The following ASB10 variants were observed in gnomAD, a reference collection of about 807,000 sequenced individuals.
The protein encoded by ASB10 is ankyrin repeat and SOCS box containing 10, also known as ankyrin repeat and SOCS box protein 10.
ASB10 carries 44 observed loss-of-function variants against 35.4 expected under a neutral mutation model. The ratio of observed to expected loss-of-function variants is 1.24; its 90% CI spans 0.98 to 1.60. ASB10 has a LOEUF of 1.60. Ranked by LOEUF, ASB10 falls within the 40% of genes most tolerant of loss-of-function variation. ASB10 has a pLI of 0.00. For synonymous variants in ASB10, 294 were observed against 280.4 expected, an observed-to-expected ratio of 1.05 and a Z score of -0.49; for missense variants, 647 against 634.3, an observed-to-expected ratio of 1.02 and a Z score of -0.22.
chr7:151,181,170 G>T lies in ASB10; in HGVS notation c.873C>A (p.Asp291Glu). The T allele has an allele frequency of 6.2e-7, 1 of 1,611,256 alleles. No individual in the cohort carries two copies. Among genetic ancestry groups the T allele is most frequent in the South Asian group, 1.1e-5 (1 of 91,012 alleles). ...LSAGADADAA[D>E]QDKQRPLHLA... ...GGTGCAGGGGTCGCTGCTTGTCCTG[G>T]TCCGCAGCATCAGCGTCTGCTCCAG... The change falls in exon 3 of 6, where the codon GAC becomes GAA. Residue 291 changes from aspartate (D) to glutamate (E), a missense_variant. By Grantham distance (45) the Asp-to-Glu change is conservative. Transcript: ENST00000420175.
rs185182175 is a variant in ASB10 at position 151,181,838 on chromosome 7, T to C, written c.585-380A>G. Among the ~76,000 whole-genome samples the C allele has an allele frequency of 5.5e-4, 84 of 152,252 alleles. 1 individual carries two copies. The highest frequency in any genetic ancestry group is 1.8e-3 in the African/African-American group (75 of 41,542). On this transcript the variant is annotated intron_variant, in intron 2 of 5. Transcript: ENST00000420175. ...CATGTTTGCCAGGCTGGTCTCAAAC[T>C]CCTGACCTCAAGTGATCCACCTGCC...
At chr7:151,176,813 A>G in intron 3 of ASB10, 137 bp from the exon 4 acceptor site, 1 of 620,696 alleles carries the variant, frequency 1.6e-6, no homozygotes, top group Non-Finnish European at 2.8e-6. Context: ...TATGAATGGG[A>G]CCTTATTTGG....
upstream of ASB10, chr7:151,187,614 G>A (rs1274350860): frequency 5.8e-6 from 9 of 1,541,964 alleles, no homozygotes; most frequent in African/African-American, 1.4e-5. The surrounding 1 kb of genome is among the most constrained non-coding windows in gnomAD (Gnocchi z 5.3). Context: ...GGCCGAGGGG[G>A]CTCCCAGGCT....
At chr7:151,181,770 G>A (rs1368135157) in intron 2 of ASB10, among the ~76,000 whole-genome samples, 8 of 151,862 alleles carry the variant, frequency 5.3e-5, no homozygotes, top group South Asian at 2.1e-4. Flanking sequence ...CCACCACCAC[G>A]CCCGGCTAGT....
At chr7:151,179,516 G>A (rs917627590) in intron 3 of ASB10, among the ~76,000 whole-genome samples, 1 of 152,230 alleles carries the variant, frequency 6.6e-6, no homozygotes, top group Admixed American at 6.5e-5. Flanking sequence ...ATACGAACAA[G>A]CATCAAAGTC....
Position 151,181,310 on chromosome 7 carries a change from T to G in ASB10, c.733A>C (p.Asn245His). The change falls in exon 3 of 6, where the codon AAT (asparagine) becomes CAT (histidine). Residue 245 changes from asparagine to histidine, a missense_variant. Asn to His is a moderately conservative substitution (Grantham distance 68). Transcript: ENST00000420175. ...LRRGACPDARNAEGWTPLLAA... is the reference protein window; with the variant it reads ...LRRGACPDARHAEGWTPLLAA... ...AGCAGTGGGGTCCAGCCTTCGGCAT[T>G]GCGGGCATCAGGACATGCCCCCCGT... The G allele has an allele frequency of 1.2e-6, 2 of 1,613,232 alleles. No homozygotes were observed. The highest frequency in any genetic ancestry group is 1.7e-6 in the Non-Finnish European group (2 of 1,180,008).
chr7:151,182,782 G>A (rs1416075103), intron 2 of ASB10, among the ~76,000 whole-genome samples: 1 of 152,082 alleles, frequency 6.6e-6, no homozygotes, highest in African/African-American at 2.4e-5. Context: ...TGAGCAGCAC[G>A]TGAGACGACC....
At position 151,176,105 on chromosome 7, in the gene ASB10, G is replaced by A. The variant is rs1801380816; in HGVS notation, c.*7C>T. 1 of 1,610,278 alleles carries A rather than the reference G, an allele frequency of 6.2e-7. No individual in the cohort carries two copies. Among genetic ancestry groups the A allele is most frequent in the Non-Finnish European group, 8.5e-7 (1 of 1,179,394 alleles). On this transcript the variant is annotated splice_region_variant and intron_variant, in intron 5 of 5. Transcript: ENST00000420175. Reference sequence around the variant, plus strand: ...AGCTGTGACTGCTCACAGATCCCGGGGCTCACCTAGTAGAGCACGCCCTCA... The same window carrying A: ...AGCTGTGACTGCTCACAGATCCCGGAGCTCACCTAGTAGAGCACGCCCTCA...
At chr7:151,187,505 T>C, upstream of ASB10, 1 of 1,551,178 alleles carries the variant, frequency 6.4e-7, no homozygotes, top group Admixed American at 2.0e-5. This position sits in a 1 kb window ranked among gnomAD's most constrained non-coding sequence, Gnocchi z 5.3. Flanking sequence ...CAGCAGCAGG[T>C]CGGCTGTGCT....
intron 4 of ASB10, 56 bp downstream of exon 4, chr7:151,176,507 G>A: frequency 6.6e-7 from 1 of 1,511,394 alleles, no homozygotes; most frequent in Non-Finnish European, 9.0e-7. Context: ...GGTTTAGCGG[G>A]TGGGAGTCTT....
At position 151,180,995 on chromosome 7, in the gene ASB10, C is replaced by G. The variant is rs905931294; in HGVS notation, c.1048G>C (p.Val350Leu). 5.0e-6 allele frequency: 8 copies of G among 1,596,740 alleles called. No homozygotes were observed. Among genetic ancestry groups the G allele is most frequent in the Non-Finnish European group, 6.8e-6 (8 of 1,168,434 alleles). The change falls in exon 3 of 6, where the codon GTT (valine) becomes CTT (leucine). Residue 350 changes from valine to leucine, a missense_variant. Val to Leu is a conservative substitution (Grantham distance 32, BLOSUM62 1). Coordinates refer to ENST00000420175, the MANE Select transcript of ASB10 (RefSeq NM_001142459.2). ...AALAQSPEHV[V>L]RALLNHGAVR... ...GCGCCATGGTTGAGCAGAGCCCGAACCACGTGCTCGGGGCTCTGGGCCAGG... is the reference window on the plus strand; with the variant it reads ...GCGCCATGGTTGAGCAGAGCCCGAAGCACGTGCTCGGGGCTCTGGGCCAGG...
chr7:151,179,165 G>A (rs1292555087), intron 3 of ASB10, among the ~76,000 whole-genome samples: 2 of 152,222 alleles, frequency 1.3e-5, no homozygotes, highest in Admixed American at 6.5e-5. Context: ...TTAAGCACTA[G>A]GCTTGATGTG....
intron 2 of ASB10, among the ~76,000 whole-genome samples, chr7:151,185,393 A>G (rs1315582177): frequency 6.6e-6 from 1 of 152,110 alleles, no homozygotes; most frequent in Non-Finnish European, 1.5e-5. Flanking sequence ...TGCTGGGATT[A>G]CAGGTGTGAG....
At chr7:151,177,438 C>T (rs1040849273) in intron 3 of ASB10, among the ~76,000 whole-genome samples, 1 of 152,260 alleles carries the variant, frequency 6.6e-6, no homozygotes, top group Non-Finnish European at 1.5e-5. Flanking sequence ...TTAACCACAC[C>T]ACCATCCTGC....
chr7:151,179,093 A>G (rs1801441225), intron 3 of ASB10, among the ~76,000 whole-genome samples: 1 of 152,222 alleles, frequency 6.6e-6, no homozygotes, highest in African/African-American at 2.4e-5. Context: ...GGATGATGCC[A>G]AGCAGCTTAC....
In ASB10 at chr7:151,187,035, G is replaced by C; in HGVS notation, c.96C>G (p.Ser32Arg). ...PLCARLVEKPSRGSEEHLKSG... is the reference protein window; with the variant it reads ...PLCARLVEKPRRGSEEHLKSG... The stretch of plus-strand genomic sequence containing the variant: ...ACTTGAGGTGCTCCTCAGACCCTCT[G>C]CTGGGCTTCTCCACCAGCCTGGCAC... Residue 32 changes from serine (S) to arginine (R), a missense_variant, in exon 1 of 6, where the codon AGC becomes AGG. Transcript: ENST00000420175. The surrounding 1 kb of genome is among the most constrained non-coding windows in gnomAD (Gnocchi z 5.3). The C allele has an allele frequency of 1.2e-6, 2 of 1,610,726 alleles. No homozygotes were observed. The highest frequency in any genetic ancestry group is 1.7e-6 in the Non-Finnish European group (2 of 1,178,068).
At chr7:151,176,473 T>C in intron 4 of ASB10, 90 bp downstream of exon 4, 1 of 1,479,314 alleles carries the variant, frequency 6.8e-7, no homozygotes, top group Non-Finnish European at 9.1e-7. Flanking sequence ...AGTGCATCTT[T>C]GGGTACTTTC....
intron 2 of ASB10, among the ~76,000 whole-genome samples, chr7:151,182,021 G>T (rs62489649): frequency 1.1e-4 from 16 of 152,178 alleles, no homozygotes; most frequent in African/African-American, 3.9e-4. Context: ...TAGAACAGGC[G>T]CCTGCTAAGG....
In ASB10 at chr7:151,176,351, GCTC is replaced by G. The variant is rs1216543303; in HGVS notation, c.1219-57_1219-55del. On this transcript the variant is annotated intron_variant, in intron 4 of 5. Transcript: ENST00000420175. ...AGGCAGCCTCAGACAGGTAGCACCG[GCTC>G]CTCCTCACAGGGTAGGCTGGTGAGG... The G allele has an allele frequency of 4.3e-5, 65 of 1,509,882 alleles. 1 individual carries two copies. In the South Asian group the frequency reaches 8.2e-4, roughly 19 times the overall value. 93.5% of individuals were successfully genotyped at this position (1,509,882 alleles called of 1,614,324 possible).
Sources: allele counts gnomAD v4.1 joint callset (sites outside exome capture counted in the v4.1 genomes callset), GRCh38; gene constraint gnomAD v4.1.1; non-coding constraint Gnocchi (gnomAD v3.1); transcripts MANE v1.5; gene names NCBI Gene and HGNC (gene_info 2026-07-23, HGNC 2026-07-21).